The following ADAMTS12 variants were observed in gnomAD, a reference collection of about 807,000 sequenced individuals.
ADAMTS12 encodes the protein ADAM metallopeptidase with thrombospondin type 1 motif 12, also known as A disintegrin and metalloproteinase with thrombospondin motifs 12.
A neutral mutation model predicts 167.8 loss-of-function variants in ADAMTS12; 118 were observed. That is an observed-to-expected ratio of 0.70 (90% CI 0.61 to 0.82). The LOEUF is 0.82. Ranked by LOEUF, ADAMTS12 falls within the 40% of genes least tolerant of loss-of-function variation. The pLI, the probability that ADAMTS12 is intolerant of heterozygous loss-of-function variation, is 0.00. For synonymous variants in ADAMTS12, 704 were observed against 716.9 expected (o/e 0.98, Z 0.29); for missense variants, 1,916 against 1,998.8 (o/e 0.96, Z 0.79).
At chr5:33,708,599 T>C (rs1165925305) in intron 3 of ADAMTS12, among the ~76,000 whole-genome samples, 2 of 152,174 alleles carry the variant, frequency 1.3e-5, no homozygotes, top group African/African-American at 4.8e-5. Context: ...ATATACACCA[T>C]GGAATACTAT....
At chr5:33,723,896 A>G (rs192762878) in intron 3 of ADAMTS12, among the ~76,000 whole-genome samples, 1 of 152,294 alleles carries the variant, frequency 6.6e-6, no homozygotes, top group Admixed American at 6.5e-5. Flanking sequence ...GGTGGTAAGG[A>G]TGGAAGATGT....
intron 2 of ADAMTS12, among the ~76,000 whole-genome samples, chr5:33,831,749 T>A (rs1579974150): frequency 6.6e-6 from 1 of 152,232 alleles, no homozygotes; most frequent in East Asian, 1.9e-4. Flanking sequence ...TGCTTTTTTA[T>A]GATTATTATC....
intron 22 of ADAMTS12, among the ~76,000 whole-genome samples, 164 bp downstream of exon 22, chr5:33,545,895 A>G (rs1236844179): frequency 2.6e-5 from 4 of 152,066 alleles, no homozygotes; most frequent in Non-Finnish European, 5.9e-5. Flanking sequence ...TAGCATTAGG[A>G]GAAATACCTA....
At position 33,588,828 on chromosome 5, in the gene ADAMTS12, A is replaced by G; in HGVS notation, c.2655-19T>C. On this transcript the variant is annotated intron_variant, in intron 17 of 23. Transcript: ENST00000504830. ...CCACCACCTGCAGGCAAACATGGAT[A>G]TGTGAGAGAAGATCGCCAACTTACG... is the stretch of plus-strand genomic sequence containing the variant. The G allele has an allele frequency of 6.2e-7, 1 of 1,611,322 alleles. No homozygotes were observed.
At chr5:33,596,895 G>T (rs950808899) in intron 16 of ADAMTS12, among the ~76,000 whole-genome samples, 3 of 152,158 alleles carry the variant, frequency 2.0e-5, no homozygotes, top group Admixed American at 6.5e-5. Context: ...TGATAGCAAG[G>T]ATTGATAATC....
At chr5:33,779,594 T>A (rs528319011) in intron 2 of ADAMTS12, among the ~76,000 whole-genome samples, 1 of 152,264 alleles carries the variant, frequency 6.6e-6, no homozygotes, top group East Asian at 1.9e-4. Context: ...GATAAATGGA[T>A]AAAGAAAATG....
chr5:33,833,025 C>A (rs1561297001), intron 2 of ADAMTS12, among the ~76,000 whole-genome samples: 2 of 152,254 alleles, frequency 1.3e-5, no homozygotes, highest in South Asian at 2.1e-4. Context: ...AGTCATTGAT[C>A]TTCCAGAAGT....
intron 3 of ADAMTS12, among the ~76,000 whole-genome samples, chr5:33,745,747 TA>T (rs904800975): frequency 1.3e-5 from 2 of 151,722 alleles, no homozygotes; most frequent in Non-Finnish European, 2.9e-5. Flanking sequence ...AAAAAGGCTT[TA>T]AAAAAAAACT....
chr5:33,779,182 G>A (rs1214923079), intron 2 of ADAMTS12, among the ~76,000 whole-genome samples: 2 of 102,560 alleles, frequency 2.0e-5, no homozygotes, highest in African/African-American at 3.9e-5. Context: ...ACTGAAATTA[G>A]TATTTTTTTT....
rs144649378 is a variant in ADAMTS12 at position 33,871,095 on chromosome 5, A to T, written c.489+10024T>A. Among the ~76,000 whole-genome samples the T allele has an allele frequency of 1.5e-3, 225 of 152,350 alleles. 2 individuals carry two copies. Among genetic ancestry groups the T allele is most frequent in the African/African-American group, 5.2e-3 (216 of 41,578 alleles). On this transcript the variant is annotated intron_variant, in intron 2 of 23. Coordinates refer to ENST00000504830, the MANE Select transcript of ADAMTS12 (RefSeq NM_030955.4). ...TCAATACATAAATTTAACAGCTTAG[A>T]TAAAATAAACTAATTCCTCAGTAAA...
intron 5 of ADAMTS12, among the ~76,000 whole-genome samples, chr5:33,666,509 A>G (rs907047991): frequency 3.1e-5 from 3 of 96,654 alleles, no homozygotes; most frequent in South Asian, 3.3e-4. Context: ...TTTTTTTTCT[A>G]TTGAGACAGA....
rs1325837593 is a variant in ADAMTS12, at chr5:33,614,340, C to T, written c.2425G>A (p.Glu809Lys). The stretch of plus-strand genomic sequence containing the variant: ...AGGCCATCTTTCTGGATTGTGTACT[C>T]ATACTTGATGCCAGGGTTAGTCACC... Reference protein sequence around the residue: ...FQVTNPGIKYEYTIQKDGLDN... With the variant: ...FQVTNPGIKYKYTIQKDGLDN... Residue 809 changes from glutamate (E) to lysine (K), a missense_variant, in exon 16 of 24, where the codon GAG becomes AAG. Coordinates refer to ENST00000504830, the MANE Select transcript of ADAMTS12 (RefSeq NM_030955.4). The T allele has an allele frequency of 1.9e-6, 3 of 1,614,118 alleles. No homozygotes were observed. Among genetic ancestry groups the T allele is most frequent in the Non-Finnish European group, 1.7e-6 (2 of 1,179,984 alleles).
At chr5:33,645,460 G>A (rs970943306) in intron 9 of ADAMTS12, among the ~76,000 whole-genome samples, 1 of 152,044 alleles carries the variant, frequency 6.6e-6, no homozygotes, top group South Asian at 2.1e-4. Context: ...TCCTGGCCCT[G>A]GTCAAGGAGA....
chr5:33,810,658 A>C (rs962673351), intron 2 of ADAMTS12, among the ~76,000 whole-genome samples: 4 of 152,182 alleles, frequency 2.6e-5, no homozygotes, highest in African/African-American at 9.7e-5. Context: ...GAGCCCTAAG[A>C]GTTCTGTGAG....
At position 33,588,460 on chromosome 5, in the gene ADAMTS12, C is replaced by T; in HGVS notation, c.2865+139G>A. On this transcript the variant is annotated intron_variant, in intron 18 of 23. Coordinates refer to ENST00000504830, the MANE Select transcript of ADAMTS12 (RefSeq NM_030955.4). ...AAATAAGTAGTGGACACAGGAAAGGCAGGAGACAGGCCAGGGGTGATGAAC... is the reference window on the plus strand; with the variant it reads ...AAATAAGTAGTGGACACAGGAAAGGTAGGAGACAGGCCAGGGGTGATGAAC... 4.1e-6 allele frequency: 4 copies of T among 985,180 alleles called. No homozygotes were observed. In the South Asian group the frequency reaches 5.2e-5, roughly 13 times the overall value. The allele number at this position is 985,180 out of a possible 1,614,324, so 61.0% of individuals were successfully genotyped here.
chr5:33,728,787 G>A (rs1744073698), intron 3 of ADAMTS12, among the ~76,000 whole-genome samples: 2 of 152,214 alleles, frequency 1.3e-5, no homozygotes, highest in Admixed American at 6.5e-5. Context: ...AGAATCAAAC[G>A]ACTAACCAGT....
intron 11 of ADAMTS12, among the ~76,000 whole-genome samples, chr5:33,640,264 C>T (rs553526892): frequency 1.3e-5 from 2 of 152,300 alleles, no homozygotes; most frequent in South Asian, 4.1e-4. Context: ...TCCACTCACC[C>T]AAAGAGACTC....
Position 33,577,086 on chromosome 5 carries a change from A to T in ADAMTS12, c.2940T>A (p.Asp980Glu). Residue 980 changes from aspartate to glutamate, a missense_variant, in exon 19 of 24, where the codon GAT becomes GAA. Transcript: ENST00000504830. Reference protein sequence around the residue: ...TCAKNHDEPCDVTRKPNSRAL... With the variant: ...TCAKNHDEPCEVTRKPNSRAL... ...CTCGGCTGTTGGGTTTCCTTGTCACATCGCAAGGTTCATCATGGTTCTTGG... is the reference window on the plus strand; with the variant it reads ...CTCGGCTGTTGGGTTTCCTTGTCACTTCGCAAGGTTCATCATGGTTCTTGG... 1 of 1,614,192 alleles carries T rather than the reference A, an allele frequency of 6.2e-7. No individual in the cohort carries two copies. Among genetic ancestry groups the T allele is most frequent in the South Asian group, 1.1e-5 (1 of 91,084 alleles).
intron 3 of ADAMTS12, among the ~76,000 whole-genome samples, chr5:33,693,978 T>C (rs909286083): frequency 6.6e-6 from 1 of 152,146 alleles, no homozygotes; most frequent in South Asian, 2.1e-4. Context: ...ACAAAATCAA[T>C]GTACAAAGTT....
Sources: gnomAD v4.1 joint callset for allele counts (sites outside exome capture counted in the v4.1 genomes callset) on GRCh38, gnomAD v4.1.1 for gene constraint, MANE v1.5 for transcripts, NCBI Gene and HGNC (gene_info 2026-07-23, HGNC 2026-07-21) for gene names.